Variants in BNC2 observed in about 807,000 individuals in gnomAD.
BNC2 encodes zinc finger protein basonuclin-2.
A neutral mutation model predicts 76.3 loss-of-function variants in BNC2; 20 were observed. That is an observed-to-expected ratio of 0.26 (90% CI 0.18 to 0.38). The LOEUF is 0.38. Ranked by LOEUF, BNC2 falls within the 10% of genes least tolerant of loss-of-function variation. The pLI is 1.00. For synonymous variants in BNC2, 582 were observed against 514.8 expected, an observed-to-expected ratio of 1.13 and a Z score of -1.77; for missense variants, 1,382 against 1,399.8, an observed-to-expected ratio of 0.99 and a Z score of 0.20.
chr9:16,708,170 T>C (rs1485727945), intron 3 of BNC2, among the ~76,000 whole-genome samples: 1 of 152,216 alleles, frequency 6.6e-6, no homozygotes, highest in Non-Finnish European at 1.5e-5. Flanking sequence ...AATGTTAATT[T>C]ATTTTGGTGG....
chr9:16,513,484 T>A (rs28555116), intron 5 of BNC2, among the ~76,000 whole-genome samples: 17,235 of 151,888 alleles, frequency 0.11, 1,320 homozygotes, highest in East Asian at 0.29. Context: ...TTTTTTGTAT[T>A]TTTAGTGGAG....
chr9:16,562,632 T>G (rs1197012231), intron 4 of BNC2, among the ~76,000 whole-genome samples: 1 of 152,188 alleles, frequency 6.6e-6, no homozygotes, highest in South Asian at 2.1e-4. Flanking sequence ...ATAATCCAAA[T>G]GTCAAAGCAC....
intron 1 of BNC2, among the ~76,000 whole-genome samples, chr9:16,835,215 A>T (rs1284549863): frequency 6.6e-6 from 1 of 152,256 alleles, no homozygotes; most frequent in East Asian, 1.9e-4. Flanking sequence ...TGCATGTCAA[A>T]ATAGTTTAAT....
chr9:16,825,719 TTTTGA>T (rs1818438277), intron 1 of BNC2, among the ~76,000 whole-genome samples: 1 of 152,124 alleles, frequency 6.6e-6, no homozygotes, highest in Non-Finnish European at 1.5e-5. Context: ...TGGCTCTTCA[TTTTGA>T]TTTGGAAATC....
chr9:16,641,786 T>C (rs1821498889), intron 3 of BNC2, among the ~76,000 whole-genome samples: 1 of 152,170 alleles, frequency 6.6e-6, no homozygotes, highest in African/African-American at 2.4e-5. Context: ...GTATCAAATA[T>C]GTAATCAAAT....
intron 1 of BNC2, among the ~76,000 whole-genome samples, chr9:16,853,742 T>G (rs1819185953): frequency 6.6e-6 from 1 of 151,842 alleles, no homozygotes; most frequent in Admixed American, 6.6e-5. Context: ...GTAGTGCATA[T>G]CTGTAATCCC....
chr9:16,853,739 A>G (rs1265455642), intron 1 of BNC2, among the ~76,000 whole-genome samples: 2 of 152,004 alleles, frequency 1.3e-5, no homozygotes, highest in African/African-American at 2.4e-5. Context: ...GTGGTAGTGC[A>G]TATCTGTAAT....
At chr9:16,679,335 C>T (rs973133381) in intron 3 of BNC2, among the ~76,000 whole-genome samples, 2 of 152,162 alleles carry the variant, frequency 1.3e-5, no homozygotes, top group Non-Finnish European at 2.9e-5. Flanking sequence ...ATACAGTGAT[C>T]CTACAAACTG....
At chr9:16,505,228 G>C (rs1235289407) in intron 5 of BNC2, among the ~76,000 whole-genome samples, 1 of 152,192 alleles carries the variant, frequency 6.6e-6, no homozygotes, top group Non-Finnish European at 1.5e-5. Flanking sequence ...TCCTGCCTGA[G>C]TAGCAAATCA....
chr9:16,646,211 T>G (rs778668085), intron 3 of BNC2, among the ~76,000 whole-genome samples: 1 of 152,136 alleles, frequency 6.6e-6, no homozygotes, highest in East Asian at 1.9e-4. Flanking sequence ...GCCTGAGAAT[T>G]TGGGATGGGC....
intron 5 of BNC2, among the ~76,000 whole-genome samples, chr9:16,514,863 A>G (rs1211951926): frequency 6.6e-6 from 1 of 152,248 alleles, no homozygotes; most frequent in East Asian, 1.9e-4. Context: ...TTCTTTCTTC[A>G]TTGCTAATGG....
At chr9:16,688,019 GA>G (rs895304344) in intron 3 of BNC2, among the ~76,000 whole-genome samples, 1 of 152,100 alleles carries the variant, frequency 6.6e-6, no homozygotes, top group African/African-American at 2.4e-5. Flanking sequence ...AGAGTGCTAG[GA>G]TTTCTGAGCA....
Position 16,419,027 on chromosome 9 carries a change from T to C in BNC2, c.3262A>G (p.Asn1088Asp), listed in dbSNP as rs749309637. 7 of 1,614,134 alleles carry C rather than the reference T, an allele frequency of 4.3e-6. No homozygotes were observed. The highest frequency in any genetic ancestry group is 5.9e-6 in the Non-Finnish European group (7 of 1,180,030). ...GTGAAGGGAATGTTTTTGTGGAGAT[T>C]AGGGTTCTGACTGTGCCGATTTCGG... ...RSRNRHSQNPNLHKNIPFTSV... is the reference protein window; with the variant it reads ...RSRNRHSQNPDLHKNIPFTSV... The change falls in exon 7 of 7, where the codon AAT becomes GAT. Residue 1088 changes from asparagine (N) to aspartate (D), a missense_variant. Asn to Asp is a conservative substitution (Grantham distance 23). Coordinates refer to ENST00000380672, the MANE Select transcript of BNC2 (RefSeq NM_017637.6).
chr9:16,744,600 C>T (rs1824946716), intron 1 of BNC2, among the ~76,000 whole-genome samples: 1 of 152,202 alleles, frequency 6.6e-6, no homozygotes, highest in Admixed American at 6.5e-5. Flanking sequence ...TCTTCATACC[C>T]TTGCCCAGAG....
At chr9:16,622,968 T>C (rs911295286) in intron 3 of BNC2, among the ~76,000 whole-genome samples, 1 of 152,198 alleles carries the variant, frequency 6.6e-6, no homozygotes, top group Non-Finnish European at 1.5e-5. Flanking sequence ...TTTGGTTTTA[T>C]AGGTTATACT....
chr9:16,659,139 A>C (rs572058824), intron 3 of BNC2, among the ~76,000 whole-genome samples: 1 of 119,816 alleles, frequency 8.3e-6, no homozygotes, highest in East Asian at 2.1e-4. Context: ...TAAATGGCAG[A>C]TGGATGGCGG....
chr9:16,569,226 C>T (rs1162488988), intron 4 of BNC2, among the ~76,000 whole-genome samples: 1 of 151,572 alleles, frequency 6.6e-6, no homozygotes, highest in Non-Finnish European at 1.5e-5. Context: ...TGTGAATGGC[C>T]CTTGATTTTT....
At chr9:16,556,371 G>T (rs531837117) in intron 4 of BNC2, among the ~76,000 whole-genome samples, 2 of 151,916 alleles carry the variant, frequency 1.3e-5, no homozygotes, top group African/African-American at 4.8e-5. Context: ...ATGAAAAGGC[G>T]GACTAGATAT....
rs1484781855 is a variant in BNC2, at chr9:16,413,245, G to A, written c.*5744C>T. 2 of 151,656 alleles carry A rather than the reference G, an allele frequency of 1.3e-5. No individual in the cohort carries two copies. The highest frequency in any genetic ancestry group is 1.3e-4 in the Admixed American group (2 of 15,246). 9.4% of individuals were successfully genotyped at this position (151,656 alleles called of 1,614,324 possible). On this transcript the variant is annotated 3_prime_UTR_variant, in exon 7 of 7. Coordinates refer to ENST00000380672, the MANE Select transcript of BNC2 (RefSeq NM_017637.6). ...GAATTTACAACAGCACTTTAGAGGA[G>A]AAGAATAAAGATAGTTTTATGACAA...
Sources: allele counts gnomAD v4.1 joint callset (sites outside exome capture counted in the v4.1 genomes callset), GRCh38; gene constraint gnomAD v4.1.1; transcripts MANE v1.5; gene names NCBI Gene and HGNC (gene_info 2026-07-23, HGNC 2026-07-21).